Variants in C16orf92 observed in about 807,000 individuals in gnomAD.
C16orf92 encodes the protein fertilization-influencing membrane protein 1.
A neutral mutation model predicts 13.7 loss-of-function variants in C16orf92; 14 were observed. The ratio of observed to expected loss-of-function variants is 1.02; its 90% CI spans 0.67 to 1.60. The LOEUF is 1.60. C16orf92 is among the 40% of genes most tolerant of loss of function. The pLI is 0.00. For synonymous variants in C16orf92, 50 were observed against 57.4 expected (o/e 0.87, Z 0.58); for missense variants, 116 against 139.0 (o/e 0.83, Z 0.83).
downstream of C16orf92, chr16:30,025,776 T>C (rs1397670197): frequency 1.7e-5 from 28 of 1,614,032 alleles, no homozygotes; most frequent in Non-Finnish European, 2.4e-5. This position sits in a 1 kb window ranked among gnomAD's most constrained non-coding sequence, Gnocchi z 4.1. Flanking sequence ...ACCTCTGCCA[T>C]CAACATGCAA....
downstream of C16orf92, chr16:30,024,748 C>T (rs923949731): frequency 5.2e-6 from 1 of 190,486 alleles, no homozygotes; most frequent in Non-Finnish European, 1.1e-5. Flanking sequence ...GCCGGCCACT[C>T]GGGAGGCCCG....
chr16:30,024,109 A>T (rs774489306), intron 3 of C16orf92, 23 bp downstream of exon 3: 2 of 1,609,136 alleles, frequency 1.2e-6, no homozygotes, highest in Admixed American at 3.3e-5. Context: ...CCCTTTCTCC[A>T]ACCCCACCCA....
In C16orf92 at chr16:30,024,100, C is replaced by G; in HGVS notation, c.311+14C>G. The G allele has an allele frequency of 6.2e-7, 1 of 1,611,264 alleles. No individual in the cohort carries two copies. On this transcript the variant is annotated intron_variant, in intron 3 of 3. Coordinates refer to ENST00000681219, the MANE Select transcript of C16orf92 (RefSeq NM_001109659.2). ...CTGCACCCACATGTAAGGCCTGCCC[C>G]CTTTCTCCAACCCCACCCACCACCA...
rs764573377 is a variant in C16orf92 at position 30,023,364 on chromosome 16, G to A, written c.24G>A (p.Leu8=). The part of the protein sequence containing the change: MRLWPWV[L]VWVWLAALGA... ...TCATGAGGCTGTGGCCATGGGTGCT[G>A]GTGTGGGTGTGGCTGGCTGCACTAG... Residue 8 remains leucine (L), a synonymous_variant, in exon 1 of 4, where the codon CTG becomes CTA. Coordinates refer to ENST00000681219, the MANE Select transcript of C16orf92 (RefSeq NM_001109659.2). The A allele has an allele frequency of 6.2e-7, 1 of 1,609,636 alleles. No individual in the cohort carries two copies. The highest frequency in any genetic ancestry group is 8.5e-7 in the Non-Finnish European group (1 of 1,178,346).
In C16orf92 at chr16:30,024,381, C is replaced by T; in HGVS notation, c.*154C>T. ...TGTTTCCCATGGCCCAAGCCCCCCA[C>T]CTCCTCCCTTCCCAGCCCCAAAGAA... On this transcript the variant is annotated 3_prime_UTR_variant, in exon 4 of 4. Coordinates refer to ENST00000681219, the MANE Select transcript of C16orf92 (RefSeq NM_001109659.2). 9 of 1,055,934 alleles carry T rather than the reference C, an allele frequency of 8.5e-6. No homozygotes were observed. In the South Asian group the frequency reaches 1.5e-4, roughly 17 times the overall value. 65.4% of individuals were successfully genotyped at this position (1,055,934 alleles called of 1,614,324 possible).
At chr16:30,025,168 T>G (rs1596728264), downstream of C16orf92, 4 of 1,404,144 alleles carry the variant, frequency 2.8e-6, no homozygotes, top group East Asian at 2.7e-5. This position sits in a 1 kb window ranked among gnomAD's most constrained non-coding sequence, Gnocchi z 4.1. Context: ...AGGGGGAGGG[T>G]CCCGGCCCCC....
rs373854157 is a variant in C16orf92 at position 30,024,220 on chromosome 16, G to A, written c.326G>A (p.Gly109Glu). ...QFCTHINFQKGA is the reference protein window; with the variant it reads ...QFCTHINFQKEA Reference sequence around the variant, plus strand: ...ATGCCCCACAGAAACTTCCAGAAAGGGGCCTAAAGAGCCGGACAAGGGCTC... The same window carrying A: ...ATGCCCCACAGAAACTTCCAGAAAGAGGCCTAAAGAGCCGGACAAGGGCTC... The change falls in exon 4 of 4, where the codon GGG (glycine) becomes GAG (glutamate). Residue 109 changes from glycine to glutamate, a missense_variant. Physicochemically the swap from Gly to Glu is moderately conservative, Grantham distance 98. Transcript: ENST00000681219. 3 of 1,613,940 alleles carry A rather than the reference G, an allele frequency of 1.9e-6. No homozygotes were observed. Among genetic ancestry groups the A allele is most frequent in the Non-Finnish European group, 8.5e-7 (1 of 1,179,976 alleles).
chr16:30,026,229 C>T (rs1297923573), downstream of C16orf92, among the ~76,000 whole-genome samples: 2 of 150,438 alleles, frequency 1.3e-5, no homozygotes, highest in Non-Finnish European at 3.0e-5. Flanking sequence ...AGAGAGACTC[C>T]GTCTTGGAAA....
rs1317485779 is a variant in C16orf92 at position 30,023,829 on chromosome 16, G to T, written c.167G>T (p.Arg56Met). Residue 56 changes from arginine to methionine, a missense_variant, in exon 2 of 4, where the codon AGG (arginine) becomes ATG (methionine). Transcript: ENST00000681219. ...GATTATCCGGACTCAGACCAAGCCAGGCTGCTGGCTGTGGCCCAGTTTATT... is the reference window on the plus strand; with the variant it reads ...GATTATCCGGACTCAGACCAAGCCATGCTGCTGGCTGTGGCCCAGTTTATT... ...FFDYPDSDQARLLAVAQFIGE... is the reference protein window; with the variant it reads ...FFDYPDSDQAMLLAVAQFIGE... The T allele has an allele frequency of 6.2e-7, 1 of 1,614,174 alleles. No homozygotes were observed. Among genetic ancestry groups the T allele is most frequent in the East Asian group, 2.2e-5 (1 of 44,880 alleles).
At chr16:30,026,849 G>A (rs772353223), downstream of C16orf92, 4 of 1,612,738 alleles carry the variant, frequency 2.5e-6, no homozygotes, top group Non-Finnish European at 2.5e-6. Context: ...AGTGTCTGTT[G>A]GGCAGAGAGA....
chr16:30,026,738 A>G (rs2071158935), downstream of C16orf92: 1 of 1,614,058 alleles, frequency 6.2e-7, no homozygotes. Context: ...CGTCCCCTCC[A>G]TGCCCTTTGA....
chr16:30,027,614 C>A (rs1382872497), downstream of C16orf92: 1 of 456,016 alleles, frequency 2.2e-6, no homozygotes, highest in Non-Finnish European at 4.4e-6. Flanking sequence ...GACAGCCAAG[C>A]GTTAAGGGGA....
chr16:30,025,974 C>T (rs1028785179), downstream of C16orf92, among the ~76,000 whole-genome samples: 2 of 152,164 alleles, frequency 1.3e-5, no homozygotes, highest in Non-Finnish European at 2.9e-5. This position sits in a 1 kb window ranked among gnomAD's most constrained non-coding sequence, Gnocchi z 4.1. Flanking sequence ...TGGCTCACGC[C>T]GGTAATCCCA....
rs2070992654 is a variant in C16orf92 at position 30,024,403 on chromosome 16, A to G, written c.*176A>G. 3.3e-6 allele frequency: 3 copies of G among 900,608 alleles called. No individual in the cohort carries two copies. The highest frequency in any genetic ancestry group is 4.9e-6 in the Non-Finnish European group (3 of 607,158). 55.8% of individuals were successfully genotyped at this position (900,608 alleles called of 1,614,324 possible). On this transcript the variant is annotated 3_prime_UTR_variant, in exon 4 of 4. Coordinates refer to ENST00000681219, the MANE Select transcript of C16orf92 (RefSeq NM_001109659.2). ...CCACCTCCTCCCTTCCCAGCCCCAA[A>G]GAACTTGGTGGCAAGGGCCTTGGTG...
At chr16:30,027,240 G>A, downstream of C16orf92, 1 of 454,222 alleles carries the variant, frequency 2.2e-6, no homozygotes, top group Non-Finnish European at 4.4e-6. Context: ...CAGCTGAAGG[G>A]GCGAGAGTGC....
At chr16:30,023,541 C>A in intron 1 of C16orf92, 137 bp downstream of exon 1, 1 of 1,392,116 alleles carries the variant, frequency 7.2e-7, no homozygotes, top group East Asian at 2.4e-5. Flanking sequence ...CTGCTGGTCC[C>A]ACCTACCCCC....
intron 3 of C16orf92, 53 bp downstream of exon 3, chr16:30,024,139 C>A (rs375548080): frequency 6.2e-7 from 1 of 1,607,874 alleles, no homozygotes; most frequent in Middle Eastern, 1.7e-4. Context: ...TCCTTGGGAG[C>A]GGCTGAAGAC....
At chr16:30,025,003 A>T, downstream of C16orf92, 1 of 533,444 alleles carries the variant, frequency 1.9e-6, no homozygotes. This position sits in a 1 kb window ranked among gnomAD's most constrained non-coding sequence, Gnocchi z 4.1. Flanking sequence ...TAGGGGGAAG[A>T]GGTCCCCTCT....
At chr16:30,026,540 C>T (rs1050480564), downstream of C16orf92, 1 of 1,409,338 alleles carries the variant, frequency 7.1e-7, no homozygotes, top group Non-Finnish European at 9.8e-7. Context: ...TTCCCAGGCT[C>T]CTGCCAGCAC....
Sources: gnomAD v4.1 joint callset for allele counts (sites outside exome capture counted in the v4.1 genomes callset) on GRCh38, gnomAD v4.1.1 for gene constraint, Gnocchi (gnomAD v3.1) non-coding constraint, MANE v1.5 for transcripts, NCBI Gene and HGNC (gene_info 2026-07-23, HGNC 2026-07-21) for gene names.